WLS: variants seen among roughly 807,000 people sequenced by gnomAD.
WLS encodes the protein Wnt ligand secretion mediator.
Under a neutral mutation model 62.8 loss-of-function variants are expected in WLS, and 23 were observed. The ratio of observed to expected loss-of-function variants is 0.37; its 90% CI spans 0.26 to 0.52. The LOEUF is 0.52. Ranked by LOEUF, WLS falls within the 20% of genes least tolerant of loss-of-function variation. The pLI is 0.92. For missense variants in WLS, 615 were observed against 697.3 expected (o/e 0.88, Z 1.33); for synonymous variants, 246 against 244.1 (o/e 1.01, Z -0.07).
At chr1:68,099,263 G>C (rs1646047208) in intron 11 of WLS, among the ~76,000 whole-genome samples, 1 of 152,096 alleles carries the variant, frequency 6.6e-6, no homozygotes, top group South Asian at 2.1e-4. Context: ...ACTGCAAAGA[G>C]ATATACTCAG....
chr1:68,160,618 G>C (rs1442908872), intron 2 of WLS, among the ~76,000 whole-genome samples: 3 of 152,154 alleles, frequency 2.0e-5, no homozygotes, highest in Non-Finnish European at 4.4e-5. Context: ...AAACTGCAGT[G>C]AATGCTAAAT....
chr1:68,178,895 C>T (rs1647392515), intron 2 of WLS, among the ~76,000 whole-genome samples: 3 of 152,140 alleles, frequency 2.0e-5, no homozygotes. Flanking sequence ...TTTTCAGATA[C>T]TGAACTGCTA....
chr1:68,207,076 G>A (rs1447670125), intron 1 of WLS, among the ~76,000 whole-genome samples: 1 of 152,130 alleles, frequency 6.6e-6, no homozygotes, highest in Non-Finnish European at 1.5e-5. Context: ...TCAAAGAACT[G>A]TTCCTAAAAG....
At chr1:68,149,465 C>G (rs1034994329) in intron 6 of WLS, among the ~76,000 whole-genome samples, 1 of 152,168 alleles carries the variant, frequency 6.6e-6, no homozygotes, top group African/African-American at 2.4e-5. Flanking sequence ...GGAAGGGCAG[C>G]AGGACTTGAG....
At chr1:68,112,249 C>T (rs1350241887) in intron 11 of WLS, among the ~76,000 whole-genome samples, 1 of 152,180 alleles carries the variant, frequency 6.6e-6, no homozygotes, top group Admixed American at 6.5e-5. Flanking sequence ...GCCAGGTGCT[C>T]TTATGCAGTG....
chr1:68,191,918 C>T (rs1648330301), intron 2 of WLS, among the ~76,000 whole-genome samples: 2 of 152,182 alleles, frequency 1.3e-5, no homozygotes, highest in Admixed American at 6.5e-5. Context: ...CCAACACACA[C>T]CCACACACCC....
At chr1:68,208,205 A>C (rs1023283843) in intron 1 of WLS, among the ~76,000 whole-genome samples, 5 of 152,356 alleles carry the variant, frequency 3.3e-5, no homozygotes, top group Middle Eastern at 3.4e-3. Flanking sequence ...GGATGATAAC[A>C]TCTTTTTTCA....
At position 68,194,200 on chromosome 1, in the gene WLS, T is replaced by G. The variant is rs754140558; in HGVS notation, c.134A>C (p.Tyr45Ser). 6.2e-7 allele frequency: 1 copy of G among 1,614,218 alleles called. No homozygotes were observed. Among genetic ancestry groups the G allele is most frequent in the East Asian group, 2.2e-5 (1 of 44,886 alleles). Residue 45 changes from tyrosine (Y) to serine (S), a missense_variant, in exon 2 of 12, where the codon TAC (tyrosine) becomes TCC (serine). Transcript: ENST00000262348. Reference protein sequence around the residue: ...IAPGPTTAVSYMSVKCVDARK... With the variant: ...IAPGPTTAVSSMSVKCVDARK... ...GGCATCCACACATTTCACCGACATG[T>G]AGGACACTGCCGTTGTGGGCCCTGG...
chr1:68,168,565 A>G (rs1204388218), intron 2 of WLS, among the ~76,000 whole-genome samples: 1 of 152,208 alleles, frequency 6.6e-6, no homozygotes, highest in Non-Finnish European at 1.5e-5. Flanking sequence ...AGGACAAGAT[A>G]TATTAGAGGA....
chr1:68,222,244 TA>T (rs1649972206), intron 1 of WLS, among the ~76,000 whole-genome samples: 1 of 152,172 alleles, frequency 6.6e-6, no homozygotes, highest in African/African-American at 2.4e-5. Context: ...GTTTTAAATT[TA>T]CATTTCCCCA....
chr1:68,176,768 A>T (rs1185942981), intron 2 of WLS, among the ~76,000 whole-genome samples: 1 of 152,226 alleles, frequency 6.6e-6, no homozygotes, highest in Non-Finnish European at 1.5e-5. Context: ...AATCACTTTG[A>T]AGAAGTCACT....
rs2100605538 is a variant in WLS, at chr1:68,194,054, C to T, written c.280G>A (p.Val94Ile). 6.2e-7 allele frequency: 1 copy of T among 1,614,108 alleles called. No homozygotes were observed. Among genetic ancestry groups the T allele is most frequent in the Non-Finnish European group, 8.5e-7 (1 of 1,180,016 alleles). ...TCCATGTGGGGGAGGGGAATGTGAA[C>T]AGAAAACACGATGTCATTGGCTTCA... ...EIEANDIVFSVHIPLPHMEMS... is the reference protein window; with the variant it reads ...EIEANDIVFSIHIPLPHMEMS... The change falls in exon 2 of 12, where the codon GTT (valine) becomes ATT (isoleucine). Residue 94 changes from valine to isoleucine, a missense_variant. Physicochemically the swap from Val to Ile is conservative, Grantham distance 29 (BLOSUM62 3). Coordinates refer to ENST00000262348, the MANE Select transcript of WLS (RefSeq NM_024911.7).
At chr1:68,210,966 A>G (rs12031253) in intron 1 of WLS, among the ~76,000 whole-genome samples, 28,920 of 151,764 alleles carry the variant, frequency 0.19, 2,790 homozygotes, top group Middle Eastern at 0.24. Flanking sequence ...ACCCTCAGAC[A>G]CTCTGATGCC....
At chr1:68,142,185 T>G (rs1646695748) in intron 10 of WLS, among the ~76,000 whole-genome samples, 1 of 152,226 alleles carries the variant, frequency 6.6e-6, no homozygotes, top group Non-Finnish European at 1.5e-5. Flanking sequence ...CCTTCTTGAC[T>G]TCAGGTGGGA....
At chr1:68,207,876 T>A (rs1190440681) in intron 1 of WLS, among the ~76,000 whole-genome samples, 1 of 152,270 alleles carries the variant, frequency 6.6e-6, no homozygotes, top group Admixed American at 6.5e-5. Context: ...TGTTAGCTGA[T>A]AATAATAGTG....
At chr1:68,188,430 G>A (rs111530492) in intron 2 of WLS, among the ~76,000 whole-genome samples, 4 of 152,262 alleles carry the variant, frequency 2.6e-5, no homozygotes, top group South Asian at 2.1e-4. Context: ...AATATACTGC[G>A]TAATCTGCCC....
intron 1 of WLS, among the ~76,000 whole-genome samples, chr1:68,225,966 T>A (rs1175178687): frequency 1.3e-5 from 2 of 152,224 alleles, no homozygotes; most frequent in Admixed American, 1.3e-4. Flanking sequence ...GGATGATTCA[T>A]ACAATTATGG....
At chr1:68,177,464 A>G (rs17130546) in intron 2 of WLS, among the ~76,000 whole-genome samples, 11,792 of 152,166 alleles carry the variant, frequency 0.077, 494 homozygotes, top group Admixed American at 0.099. Context: ...CTGGGCTTCT[A>G]TGCTCTCTCT....
At chr1:68,216,316 T>C (rs1480200717) in intron 1 of WLS, among the ~76,000 whole-genome samples, 1 of 152,208 alleles carries the variant, frequency 6.6e-6, no homozygotes, top group African/African-American at 2.4e-5. Context: ...AAGTTTAAAA[T>C]GTAAATATCC....
Sources: gnomAD v4.1 joint callset for allele counts (sites outside exome capture counted in the v4.1 genomes callset) on GRCh38, gnomAD v4.1.1 for gene constraint, MANE v1.5 for transcripts, NCBI Gene and HGNC (gene_info 2026-07-23, HGNC 2026-07-21) for gene names.